Variants in PARP4 observed in about 807,000 individuals in gnomAD.
PARP4 encodes the protein protein mono-ADP-ribosyltransferase PARP4.
PARP4 carries 120 observed loss-of-function variants against 187.7 expected under a neutral mutation model. The observed-to-expected ratio is 0.64, with a 90% CI of 0.55 to 0.74. The LOEUF is 0.74. Ranked by LOEUF, PARP4 falls within the 30% of genes least tolerant of loss-of-function variation. The probability of loss-of-function intolerance (pLI) is 0.00; values close to 1 mark genes in which losing one functional copy is unlikely to be tolerated. For missense variants in PARP4, 1,836 were observed against 2,070.5 expected (o/e 0.89, Z 2.20); for synonymous variants, 654 against 740.9 (o/e 0.88, Z 1.90).
Position 24,498,216 on chromosome 13 carries a change from C to G in PARP4, c.491G>C (p.Gly164Ala), listed in dbSNP as rs761961752. The change falls in exon 6 of 34, where the codon GGA (glycine) becomes GCA (alanine). Residue 164 changes from glycine (G) to alanine (A), a missense_variant. By Grantham distance (60) the Gly-to-Ala change is moderately conservative. Coordinates refer to ENST00000381989, the MANE Select transcript of PARP4 (RefSeq NM_006437.4). ...YNTLEKVGME[G>A]GQEAVVVELQ... ...CTCCACCACCACAGCTTCCTGGCCT[C>G]CCTCCATTCCCACCTGGAAAACAGG... 10 of 1,612,174 alleles carry G rather than the reference C, an allele frequency of 6.2e-6. No individual in the cohort carries two copies. The highest frequency in any genetic ancestry group is 1.1e-5 in the South Asian group (1 of 90,986).
intron 9 of PARP4, among the ~76,000 whole-genome samples, chr13:24,491,539 T>C (rs555359790): frequency 6.6e-6 from 1 of 152,254 alleles, no homozygotes; most frequent in Non-Finnish European, 1.5e-5. Flanking sequence ...TGGGAATCTG[T>C]TGAAAGCGAT....
Position 24,459,370 on chromosome 13 carries a change from A to G in PARP4, c.2299-60T>C, listed in dbSNP as rs1002807959. The G allele has an allele frequency of 2.0e-5, 28 of 1,417,434 alleles. No individual in the cohort carries two copies. In the African/African-American group the frequency reaches 3.3e-4, roughly 17 times the overall value. 87.8% of individuals were successfully genotyped at this position (1,417,434 alleles called of 1,614,324 possible). A position where few individuals can be genotyped will look rare whatever the true frequency, so the allele number is the denominator to read the frequency against. On this transcript the variant is annotated intron_variant, in intron 18 of 33. Transcript: ENST00000381989. ...ATATATTAAGTTTCACAATGAGACT[A>G]AAGTGAATGTAATCTTGGCAAGGCC...
chr13:24,461,908 GGCAGGGGATGACA>G (rs1942090681), intron 17 of PARP4, among the ~76,000 whole-genome samples: 1 of 152,168 alleles, frequency 6.6e-6, no homozygotes, highest in Non-Finnish European at 1.5e-5. Context: ...CTCCCCATGG[GGCAGGGGATGACA>G]CCCTCCTAGG....
chr13:24,457,614 T>G (rs1871935121), intron 20 of PARP4, among the ~76,000 whole-genome samples: 1 of 151,502 alleles, frequency 6.6e-6, no homozygotes, highest in African/African-American at 2.4e-5. Context: ...CTACTAAAAA[T>G]AGAAAATTTA....
At position 24,456,460 on chromosome 13, in the gene PARP4, C is replaced by G. The variant is rs1330603849; in HGVS notation, c.2443G>C (p.Val815Leu). Residue 815 changes from valine to leucine, a missense_variant, in exon 21 of 34, where the codon GTC (valine) becomes CTC (leucine). Val to Leu is a conservative substitution (Grantham distance 32, BLOSUM62 1). Transcript: ENST00000381989. ...GAGCTGCCTTCCATGGTGCTAATGA[C>G]AGCTTTGCAGTCTGTGCGCTGCAAA... ...LKQKRTDCKA[V>L]ISTMEGSSLD... The G allele has an allele frequency of 1.6e-5, 25 of 1,601,656 alleles. No individual in the cohort carries two copies. Among genetic ancestry groups the G allele is most frequent in the Non-Finnish European group, 2.1e-5 (25 of 1,170,120 alleles).
At position 24,478,106 on chromosome 13, in the gene PARP4, G is replaced by A; in HGVS notation, c.1619C>T (p.Thr540Ile). 6.3e-7 allele frequency: 1 copy of A among 1,599,426 alleles called. No individual in the cohort carries two copies. Among genetic ancestry groups the A allele is most frequent in the Non-Finnish European group, 8.5e-7 (1 of 1,172,726 alleles). ...AAATAAAAATACCTCAAAGTCTGTG[G>A]TGACAGAGGCTGTTTGCGAAACTCC... ...VHGVSQTASVTTDFEDDEFVV... is the reference protein window; with the variant it reads ...VHGVSQTASVITDFEDDEFVV... Residue 540 changes from threonine to isoleucine, a missense_variant, in exon 13 of 34, where the codon ACC (threonine) becomes ATC (isoleucine). By Grantham distance (89) the Thr-to-Ile change is moderately conservative. Transcript: ENST00000381989.
intron 9 of PARP4, among the ~76,000 whole-genome samples, 169 bp downstream of exon 9, chr13:24,492,252 T>C (rs1247234314): frequency 6.6e-6 from 1 of 150,874 alleles, no homozygotes; most frequent in African/African-American, 2.5e-5. Context: ...AAATATGGTT[T>C]AACTTTCATA....
At chr13:24,455,480 A>AATATATATATATATATATAT (rs57015283) in intron 21 of PARP4, among the ~76,000 whole-genome samples, 2,377 of 107,568 alleles carry the variant, frequency 0.022, 79 homozygotes, top group Non-Finnish European at 0.033. Context: ...TTATGGAACA[A>AATATATATATATATATATAT]ATATATATAT....
intron 1 of PARP4, among the ~76,000 whole-genome samples, chr13:24,511,586 G>C (rs1158937802): frequency 6.6e-6 from 1 of 152,194 alleles, no homozygotes; most frequent in Non-Finnish European, 1.5e-5. Context: ...GTGGAATCAA[G>C]TGGCTTCCTG....
At chr13:24,447,355 AT>A (rs1871268212) in intron 25 of PARP4, among the ~76,000 whole-genome samples, 169 bp from the exon 26 acceptor site, 1 of 152,136 alleles carries the variant, frequency 6.6e-6, no homozygotes, top group African/African-American at 2.4e-5. Flanking sequence ...ACAGAATTTT[AT>A]TTTATTTTAT....
chr13:24,459,063 G>A lies in PARP4; in HGVS notation c.2405C>T (p.Thr802Ile). The change falls in exon 20 of 34, where the codon ACA (threonine) becomes ATA (isoleucine). Residue 802 changes from threonine to isoleucine, a missense_variant. Physicochemically the swap from Thr to Ile is moderately conservative, Grantham distance 89. This residue lies in a region of PARP4 where 1,147 missense variants were observed against 1,214.2 expected (regional missense o/e 0.94). Coordinates refer to ENST00000381989, the MANE Select transcript of PARP4 (RefSeq NM_006437.4). ...ACTAACCTTTTGTTTCAGTTCATGTGTATCACTGAAAATGAATTCAATCAC... is the reference window on the plus strand; with the variant it reads ...ACTAACCTTTTGTTTCAGTTCATGTATATCACTGAAAATGAATTCAATCAC... ...PYVIEFIFSD[T>I]HELKQKRTDC... is the part of the protein sequence containing the mutation. The A allele has an allele frequency of 5.0e-6, 8 of 1,605,388 alleles. No homozygotes were observed. The highest frequency in any genetic ancestry group is 5.1e-6 in the Non-Finnish European group (6 of 1,172,896).
chr13:24,503,424 G>A (rs1278963570), intron 2 of PARP4, among the ~76,000 whole-genome samples: 3 of 152,178 alleles, frequency 2.0e-5, no homozygotes, highest in African/African-American at 4.8e-5. Context: ...GGACATGTAG[G>A]ATTGTCCTGC....
intron 30 of PARP4, among the ~76,000 whole-genome samples, chr13:24,437,397 T>C (rs781713297): frequency 2.6e-5 from 4 of 152,070 alleles, no homozygotes; most frequent in African/African-American, 4.8e-5. Context: ...TTAAAAAATC[T>C]GCATGACCAA....
intron 1 of PARP4, 29 bp downstream of exon 1, chr13:24,512,677 C>T: frequency 6.5e-6 from 1 of 152,766 alleles, no homozygotes; most frequent in Non-Finnish European, 1.5e-5. Flanking sequence ...GGGACCTTTG[C>T]AGCCCCCCAC....
intron 17 of PARP4, 50 bp from the exon 18 acceptor site, chr13:24,460,186 AT>A: frequency 6.7e-7 from 1 of 1,495,376 alleles, no homozygotes; most frequent in Non-Finnish European, 9.2e-7. Flanking sequence ...CATACCCATT[AT>A]ATGCCAGCTA....
Position 24,434,431 on chromosome 13 carries a change from A to G in PARP4, c.4710T>C (p.Ala1570=), listed in dbSNP as rs762364223. Residue 1570 remains alanine (A), a synonymous_variant, in exon 31 of 34, where the codon GCT becomes GCC. Coordinates refer to ENST00000381989, the MANE Select transcript of PARP4 (RefSeq NM_006437.4). The stretch of plus-strand genomic sequence containing the variant: ...GACTGAGGAGTTCTGTCCAAGGCAC[A>G]GCATCCTGCCAGTGTTGTATGCACA... ...EIVCIQHWQD[A]VPWTELLSLQ... 7.6e-6 allele frequency: 12 copies of G among 1,588,508 alleles called. No homozygotes were observed. The East Asian group carries it at 2.7e-4, about 36-fold the overall frequency.
At chr13:24,477,591 T>C (rs1566010287) in intron 14 of PARP4, 110 bp downstream of exon 14, 3 of 672,254 alleles carry the variant, frequency 4.5e-6, no homozygotes, top group Non-Finnish European at 7.7e-6. Context: ...GAAATACTTA[T>C]GGATGAGGTC....
chr13:24,480,404 G>C (rs1013401268), intron 12 of PARP4, among the ~76,000 whole-genome samples: 2 of 152,102 alleles, frequency 1.3e-5, no homozygotes, highest in African/African-American at 4.8e-5. Context: ...TGAAAGAAAG[G>C]GTTGTACATC....
At chr13:24,503,535 G>A in intron 2 of PARP4, 110 bp downstream of exon 2, 4 of 1,286,056 alleles carry the variant, frequency 3.1e-6, no homozygotes, top group Non-Finnish European at 4.4e-6. Flanking sequence ...ACTTCGAGTA[G>A]CTCACTCACT....
Sources: allele counts gnomAD v4.1 joint callset (sites outside exome capture counted in the v4.1 genomes callset), GRCh38; gene constraint gnomAD v4.1.1; regional missense constraint gnomAD v4.1.1; transcripts MANE v1.5; gene names NCBI Gene and HGNC (gene_info 2026-07-23, HGNC 2026-07-21).